CCSER1: variants seen among roughly 807,000 people sequenced by gnomAD.
CCSER1 encodes serine-rich coiled-coil domain-containing protein 1.
Under a neutral mutation model 82.0 loss-of-function variants are expected in CCSER1, and 41 were observed. The observed-to-expected ratio is 0.50, with a 90% CI of 0.39 to 0.65. CCSER1 has a LOEUF of 0.65. Ranked by LOEUF, CCSER1 falls within the 30% of genes least tolerant of loss-of-function variation. The pLI, the probability that CCSER1 is intolerant of heterozygous loss-of-function variation, is 0.00. For missense variants in CCSER1, 1,119 were observed against 1,064.2 expected, an observed-to-expected ratio of 1.05 and a Z score of -0.72; for synonymous variants, 414 against 383.9, an observed-to-expected ratio of 1.08 and a Z score of -0.92.
At chr4:90,973,123 C>T (rs1735274470) in intron 9 of CCSER1, among the ~76,000 whole-genome samples, 1 of 151,470 alleles carries the variant, frequency 6.6e-6, no homozygotes, top group Admixed American at 6.6e-5. Flanking sequence ...GGGACATGAC[C>T]CCTAAAGTAC....
At position 91,225,353 on chromosome 4, in the gene CCSER1, T is replaced by TATAATATATATATTC. The variant is rs1560528520; in HGVS notation, c.2217+139362_2217+139363insATATATATATTCATA. Reference sequence around the variant, plus strand: ...ATATATTATATATGTAATATATATGTATATATATTATATATGTAATATATA... The same window carrying TATAATATATATATTC: ...ATATATTATATATGTAATATATATGTATAATATATATATTCATATATATTATATATGTAATATATA... On this transcript the variant is annotated intron_variant, in intron 10 of 10. Coordinates refer to ENST00000509176, the MANE Select transcript of CCSER1 (RefSeq NM_001145065.2). Among the ~76,000 whole-genome samples, 8 of 34,752 alleles carry TATAATATATATATTC rather than the reference T, an allele frequency of 2.3e-4. No individual in the cohort carries two copies. In the East Asian group the frequency reaches 0.014, roughly 60 times the overall value. The allele number at this position is 34,752 out of a possible 152,430, so 22.8% of individuals were successfully genotyped here. A position where few individuals can be genotyped will look rare whatever the true frequency, so the allele number is the denominator to read the frequency against.
intron 9 of CCSER1, among the ~76,000 whole-genome samples, chr4:90,943,565 CAGAA>C (rs1362683553): frequency 6.6e-6 from 1 of 151,496 alleles, no homozygotes; most frequent in Non-Finnish European, 1.5e-5. Context: ...GAGGCGGAGA[CAGAA>C]AGAGAGAGAG....
At chr4:90,753,579 T>A (rs1749052315) in intron 7 of CCSER1, among the ~76,000 whole-genome samples, 1 of 152,126 alleles carries the variant, frequency 6.6e-6, no homozygotes, top group South Asian at 2.1e-4. Context: ...TTCTTCCACG[T>A]ACACTATTAT....
intron 10 of CCSER1, among the ~76,000 whole-genome samples, chr4:91,444,262 A>G (rs1755404181): frequency 6.6e-6 from 1 of 152,184 alleles, no homozygotes; most frequent in East Asian, 1.9e-4. Flanking sequence ...CACTTAGAAC[A>G]AGGAGCATAA....
intron 1 of CCSER1, among the ~76,000 whole-genome samples, chr4:90,221,315 T>C (rs1283225145): frequency 6.6e-6 from 1 of 152,308 alleles, no homozygotes; most frequent in East Asian, 1.9e-4. Flanking sequence ...ATGACAGTTA[T>C]ATATTTTTGA....
chr4:90,597,552 A>C (rs1204363457), intron 5 of CCSER1, among the ~76,000 whole-genome samples: 1 of 152,004 alleles, frequency 6.6e-6, no homozygotes, highest in Non-Finnish European at 1.5e-5. Flanking sequence ...AATACATTTG[A>C]CTGTGTATAT....
At chr4:91,578,413 A>AG (rs1000048766) in intron 10 of CCSER1, among the ~76,000 whole-genome samples, 1 of 151,966 alleles carries the variant, frequency 6.6e-6, no homozygotes, top group African/African-American at 2.4e-5. Flanking sequence ...TAAATGTATC[A>AG]GATTGCTGGG....
At position 91,270,214 on chromosome 4, in the gene CCSER1, T is replaced by G. The variant is rs1470919984; in HGVS notation, c.2217+184220T>G. ...TTCCATTCCATGTCTAACACTGTTTTGCTTTTTGATGTGTGTGCCTGAGGC... is the reference window on the plus strand; with the variant it reads ...TTCCATTCCATGTCTAACACTGTTTGGCTTTTTGATGTGTGTGCCTGAGGC... On this transcript the variant is annotated intron_variant, in intron 10 of 10. Transcript: ENST00000509176. Among the ~76,000 whole-genome samples the G allele has an allele frequency of 2.6e-5, 4 of 152,308 alleles. No individual in the cohort carries two copies. The East Asian group carries it at 5.8e-4, about 22-fold the overall frequency.
intron 10 of CCSER1, among the ~76,000 whole-genome samples, chr4:91,582,610 G>A (rs1011724486): frequency 2.0e-5 from 3 of 151,492 alleles, no homozygotes; most frequent in Non-Finnish European, 3.0e-5. Flanking sequence ...ATCCACTAGG[G>A]ATAGGTCATA....
At chr4:91,526,061 T>A (rs989910260) in intron 10 of CCSER1, among the ~76,000 whole-genome samples, 17 of 152,202 alleles carry the variant, frequency 1.1e-4, no homozygotes, top group Non-Finnish European at 1.9e-4. Flanking sequence ...CCACATTCTG[T>A]AGAGAATCTC....
intron 9 of CCSER1, among the ~76,000 whole-genome samples, chr4:90,957,545 A>G (rs1733612365): frequency 1.6e-5 from 2 of 121,570 alleles, no homozygotes; most frequent in South Asian, 2.2e-4. Context: ...TATATTATAT[A>G]ATTATATTAT....
intron 10 of CCSER1, among the ~76,000 whole-genome samples, chr4:91,103,150 CA>C (rs1203836976): frequency 2.0e-5 from 3 of 152,092 alleles, no homozygotes; most frequent in Non-Finnish European, 2.9e-5. Flanking sequence ...AATAGATCTC[CA>C]AATTTCTTCC....
chr4:90,962,149 A>G (rs1246933722), intron 9 of CCSER1, among the ~76,000 whole-genome samples: 1 of 152,100 alleles, frequency 6.6e-6, no homozygotes, highest in Non-Finnish European at 1.5e-5. Flanking sequence ...TTAATAGTGG[A>G]TCCAAGAATA....
intron 9 of CCSER1, among the ~76,000 whole-genome samples, chr4:90,965,916 A>C (rs1201441810): frequency 6.6e-6 from 1 of 152,124 alleles, no homozygotes; most frequent in Non-Finnish European, 1.5e-5. Flanking sequence ...AAGAGATAGG[A>C]AATATTTTTA....
intron 3 of CCSER1, among the ~76,000 whole-genome samples, chr4:90,313,602 G>C (rs944562315): frequency 8.5e-5 from 13 of 152,108 alleles, no homozygotes; most frequent in African/African-American, 3.1e-4. Flanking sequence ...AAATTGTAGA[G>C]CCTGCTTTTA....
chr4:90,643,179 G>A (rs1259903653), intron 6 of CCSER1, among the ~76,000 whole-genome samples: 1 of 152,092 alleles, frequency 6.6e-6, no homozygotes, highest in Non-Finnish European at 1.5e-5. Flanking sequence ...TTTCTGTCAA[G>A]GCTAGTTAGT....
intron 1 of CCSER1, among the ~76,000 whole-genome samples, chr4:90,229,444 C>T (rs1743971436): frequency 6.6e-6 from 1 of 152,090 alleles, no homozygotes; most frequent in African/African-American, 2.4e-5. Flanking sequence ...ACCACGAGGC[C>T]TGCCCTAAAA....
intron 5 of CCSER1, among the ~76,000 whole-genome samples, chr4:90,608,298 A>C (rs1785002244): frequency 6.6e-6 from 1 of 152,156 alleles, no homozygotes; most frequent in African/African-American, 2.4e-5. Flanking sequence ...GATCATTGAC[A>C]GAATTCATTT....
At chr4:91,220,377 C>G (rs1737635836) in intron 10 of CCSER1, among the ~76,000 whole-genome samples, 2 of 152,078 alleles carry the variant, frequency 1.3e-5, no homozygotes, top group African/African-American at 4.8e-5. Context: ...ATTTATTTTG[C>G]CTGAACAATC....
Sources: allele counts gnomAD v4.1 joint callset (sites outside exome capture counted in the v4.1 genomes callset), GRCh38; gene constraint gnomAD v4.1.1; transcripts MANE v1.5; gene names NCBI Gene and HGNC (gene_info 2026-07-23, HGNC 2026-07-21).